The following PRR16 variants were observed in gnomAD, a reference collection of about 807,000 sequenced individuals.
PRR16 encodes protein Largen.
A neutral mutation model predicts 18.2 loss-of-function variants in PRR16; 6 were observed. The observed-to-expected ratio is 0.33, with a 90% CI of 0.18 to 0.65. PRR16 has a LOEUF of 0.65. Among genes scored for constraint, PRR16 ranks in the 30% least tolerant of loss-of-function variants. The pLI is 0.74. For missense variants in PRR16, 412 were observed against 376.6 expected (o/e 1.09, Z -0.78); for synonymous variants, 151 against 147.8 (o/e 1.02, Z -0.16).
At chr5:120,576,736 T>C (rs1224581211) in intron 1 of PRR16, among the ~76,000 whole-genome samples, 1 of 152,072 alleles carries the variant, frequency 6.6e-6, no homozygotes, top group Non-Finnish European at 1.5e-5. Context: ...GTTTCTAGCC[T>C]CCTGGCTTTC....
the PRR16 span, among the ~76,000 whole-genome samples, chr5:120,700,092 G>C: frequency 1.3e-5 from 2 of 152,096 alleles, no homozygotes; most frequent in African/African-American, 4.8e-5. Flanking sequence ...ACAGAATAAT[G>C]GGTTGTAGAG....
chr5:120,574,619 C>T (rs192787982), intron 1 of PRR16, among the ~76,000 whole-genome samples: 12 of 137,044 alleles, frequency 8.8e-5, no homozygotes, highest in African/African-American at 3.3e-4. Flanking sequence ...AAAACAACAA[C>T]GACGAAAAAA....
intron 1 of PRR16, among the ~76,000 whole-genome samples, chr5:120,638,324 A>G (rs1372927142): frequency 8.5e-5 from 13 of 152,130 alleles, no homozygotes; most frequent in Non-Finnish European, 1.5e-5. Context: ...CGCCAAGGTC[A>G]TGCATTCAGT....
intron 1 of PRR16, among the ~76,000 whole-genome samples, chr5:120,490,398 CT>C (rs1301816745): frequency 1.3e-5 from 2 of 152,272 alleles, no homozygotes; most frequent in East Asian, 1.9e-4. Context: ...TCATTTCATT[CT>C]TTTCGTCTTC....
chr5:120,543,717 A>G (rs1364485000), intron 1 of PRR16, among the ~76,000 whole-genome samples: 1 of 152,196 alleles, frequency 6.6e-6, no homozygotes, highest in Non-Finnish European at 1.5e-5. Flanking sequence ...TGCCTCAGCA[A>G]TGATTTTACT....
At chr5:120,508,848 C>T (rs1750729494) in intron 1 of PRR16, among the ~76,000 whole-genome samples, 1 of 151,928 alleles carries the variant, frequency 6.6e-6, no homozygotes, top group African/African-American at 2.4e-5. Flanking sequence ...TAAATGCTGC[C>T]CTGGCATAAG....
intron 1 of PRR16, among the ~76,000 whole-genome samples, chr5:120,675,910 C>A (rs1442735971): frequency 6.6e-6 from 1 of 152,006 alleles, no homozygotes; most frequent in African/African-American, 2.4e-5. Context: ...ATTTTAAAAT[C>A]TAGTTTATTT....
chr5:120,482,824 A>G (rs928077955), intron 1 of PRR16, among the ~76,000 whole-genome samples: 3 of 152,158 alleles, frequency 2.0e-5, no homozygotes, highest in Non-Finnish European at 4.4e-5. Context: ...CAACATAGCA[A>G]AGTATATGTA....
chr5:120,473,864 G>C (rs981709321), intron 1 of PRR16, among the ~76,000 whole-genome samples: 8 of 152,184 alleles, frequency 5.3e-5, no homozygotes, highest in African/African-American at 1.4e-4. Flanking sequence ...GGGATGAATA[G>C]TGATGAGGAG....
chr5:120,664,672 T>C (rs1756302793), intron 1 of PRR16, among the ~76,000 whole-genome samples: 2 of 152,096 alleles, frequency 1.3e-5, no homozygotes, highest in South Asian at 4.1e-4. Flanking sequence ...GTGTTCTCAT[T>C]GTTCAATTCA....
chr5:120,650,799 T>C (rs2150131251), intron 1 of PRR16, among the ~76,000 whole-genome samples: 1 of 152,294 alleles, frequency 6.6e-6, no homozygotes, highest in South Asian at 2.1e-4. Flanking sequence ...CGTGTGCATG[T>C]GTCTTTATAG....
At chr5:120,774,373 G>T in the PRR16 span, among the ~76,000 whole-genome samples, 1 of 152,094 alleles carries the variant, frequency 6.6e-6, no homozygotes, top group South Asian at 2.1e-4. Flanking sequence ...ATTTTCTCAT[G>T]AATTTTTTTC....
At chr5:120,762,086 A>C in the PRR16 span, among the ~76,000 whole-genome samples, 2 of 152,128 alleles carry the variant, frequency 1.3e-5, no homozygotes, top group African/African-American at 4.8e-5. Context: ...CTGTTTATAC[A>C]TACCACATTT....
chr5:120,718,007 A>G, the PRR16 span, among the ~76,000 whole-genome samples: 2 of 152,192 alleles, frequency 1.3e-5, no homozygotes, highest in South Asian at 2.1e-4. Flanking sequence ...TGTTAATAAT[A>G]CAAAAGATAA....
the PRR16 span, among the ~76,000 whole-genome samples, chr5:120,793,645 A>AT: frequency 2.0e-5 from 3 of 152,212 alleles, no homozygotes; most frequent in Non-Finnish European, 4.4e-5. Flanking sequence ...TAAAAACAAT[A>AT]TAAAGAATAA....
intron 1 of PRR16, among the ~76,000 whole-genome samples, chr5:120,519,704 T>C (rs1244181106): frequency 6.6e-6 from 1 of 152,106 alleles, no homozygotes; most frequent in Non-Finnish European, 1.5e-5. Context: ...TAAACATCTC[T>C]TGTGCCAACA....
chr5:120,772,114 T>C, the PRR16 span, among the ~76,000 whole-genome samples: 1 of 152,144 alleles, frequency 6.6e-6, no homozygotes, highest in Non-Finnish European at 1.5e-5. Context: ...GAATATCATG[T>C]ACCTGCCATG....
intron 1 of PRR16, among the ~76,000 whole-genome samples, chr5:120,681,708 C>G (rs1580876433): frequency 6.6e-6 from 1 of 152,184 alleles, no homozygotes; most frequent in African/African-American, 2.4e-5. Flanking sequence ...CTATTTCTCT[C>G]ACTTCTATAT....
At chr5:120,479,576 C>T (rs184138651) in intron 1 of PRR16, among the ~76,000 whole-genome samples, 202 of 151,958 alleles carry the variant, frequency 1.3e-3, no homozygotes, top group Middle Eastern at 6.9e-3. Context: ...ACTGCTTTAA[C>T]AAATCACCAA....
Sources: gnomAD v4.1 joint callset for allele counts (sites outside exome capture counted in the v4.1 genomes callset) on GRCh38, gnomAD v4.1.1 for gene constraint, MANE v1.5 for transcripts, NCBI Gene and HGNC (gene_info 2026-07-23, HGNC 2026-07-21) for gene names.